The following PRTFDC1 variants were observed in gnomAD, a reference collection of about 807,000 sequenced individuals.
PRTFDC1 encodes phosphoribosyl transferase domain containing 1, also known as phosphoribosyltransferase domain-containing protein 1.
PRTFDC1 carries 38 observed loss-of-function variants against 34.6 expected under a neutral mutation model. The ratio of observed to expected loss-of-function variants is 1.10; its 90% CI spans 0.85 to 1.44. The LOEUF (loss-of-function observed/expected upper bound fraction) is 1.44, where lower values mean the gene tolerates loss of function less well. Among genes scored for constraint, PRTFDC1 ranks in the 40% most tolerant of loss-of-function variants. PRTFDC1 has a pLI of 0.00. For synonymous variants in PRTFDC1, 93 were observed against 98.1 expected, an observed-to-expected ratio of 0.95 and a Z score of 0.31; for missense variants, 270 against 283.0, an observed-to-expected ratio of 0.95 and a Z score of 0.33.
chr10:24,895,574 C>T lies in PRTFDC1; in HGVS notation c.340-23511G>A, dbSNP rs1046421050. On this transcript the variant is annotated intron_variant, in intron 3 of 8. Transcript: ENST00000320152. ...TCTTCACTTTATTAGTAGTTTTCTA[C>T]GCCTTAGAGAATGTGGGGGGTGGTG... Among the ~76,000 whole-genome samples, 8 of 150,584 alleles carry T rather than the reference C, an allele frequency of 5.3e-5. No individual in the cohort carries two copies. In the East Asian group the frequency reaches 7.8e-4, roughly 15 times the overall value.
At chr10:24,876,271 T>G (rs1335785752) in intron 3 of PRTFDC1, among the ~76,000 whole-genome samples, 1 of 152,118 alleles carries the variant, frequency 6.6e-6, no homozygotes, top group Non-Finnish European at 1.5e-5. Context: ...TTGGTTACTT[T>G]TGTACATTTT....
At chr10:24,944,936 T>A (rs551537531) in intron 1 of PRTFDC1, among the ~76,000 whole-genome samples, 1 of 152,146 alleles carries the variant, frequency 6.6e-6, no homozygotes, top group South Asian at 2.1e-4. Flanking sequence ...CCTGGCACTC[T>A]TCCTCTTCCC....
chr10:24,878,831 A>G (rs1848015530), intron 3 of PRTFDC1, among the ~76,000 whole-genome samples: 1 of 152,200 alleles, frequency 6.6e-6, no homozygotes, highest in Admixed American at 6.5e-5. Context: ...CCTCTAAGCC[A>G]TTCATTTCAA....
chr10:24,918,150 G>T (rs1024578035), intron 3 of PRTFDC1, among the ~76,000 whole-genome samples: 4 of 152,090 alleles, frequency 2.6e-5, no homozygotes, highest in Non-Finnish European at 5.9e-5. Context: ...ATTGCCTGCT[G>T]TCCCTGACAT....
At chr10:24,879,460 C>T (rs1404464822) in intron 3 of PRTFDC1, among the ~76,000 whole-genome samples, 1 of 152,064 alleles carries the variant, frequency 6.6e-6, no homozygotes, top group African/African-American at 2.4e-5. Flanking sequence ...TCTCCTGCCT[C>T]AGCCTCCCAA....
chr10:24,937,078 C>A, intron 3 of PRTFDC1, 106 bp downstream of exon 3: 1 of 1,054,004 alleles, frequency 9.5e-7, no homozygotes, highest in East Asian at 2.5e-5. Context: ...TCATTTTCAT[C>A]TCCATTTTTA....
intron 3 of PRTFDC1, among the ~76,000 whole-genome samples, chr10:24,876,077 C>T (rs1346049152): frequency 6.6e-6 from 1 of 151,876 alleles, no homozygotes; most frequent in African/African-American, 2.4e-5. Flanking sequence ...ACTTTTTGTT[C>T]TTTTTAAAAA....
chr10:24,951,601 C>A, intron 1 of PRTFDC1: 1 of 984,940 alleles, frequency 1.0e-6, no homozygotes. Flanking sequence ...GAATGACAAG[C>A]TGATCCCTGG....
chr10:24,925,260 G>A (rs566944996), intron 3 of PRTFDC1, among the ~76,000 whole-genome samples: 1 of 152,262 alleles, frequency 6.6e-6, no homozygotes, highest in South Asian at 2.1e-4. Flanking sequence ...ATAGGTGGGA[G>A]TTGAACAATG....
intron 3 of PRTFDC1, among the ~76,000 whole-genome samples, chr10:24,905,284 G>A (rs1290342049): frequency 2.0e-5 from 3 of 149,768 alleles, no homozygotes; most frequent in African/African-American, 7.4e-5. Flanking sequence ...CTGCCCTTTA[G>A]CCTGGGCAAC....
intron 4 of PRTFDC1, among the ~76,000 whole-genome samples, chr10:24,861,513 AAAAC>A (rs937791823): frequency 1.3e-4 from 20 of 152,142 alleles, no homozygotes; most frequent in East Asian, 1.9e-4. Context: ...ACAAAAAACA[AAAAC>A]AAACAAACAA....
At chr10:24,868,907 TC>T (rs1309246310) in intron 4 of PRTFDC1, among the ~76,000 whole-genome samples, 1 of 152,238 alleles carries the variant, frequency 6.6e-6, no homozygotes, top group Non-Finnish European at 1.5e-5. Context: ...TTTTATTTTT[TC>T]GTTGATACAC....
intron 3 of PRTFDC1, among the ~76,000 whole-genome samples, chr10:24,904,060 C>A (rs777105427): frequency 6.6e-6 from 1 of 152,002 alleles, no homozygotes; most frequent in African/African-American, 2.4e-5. Context: ...TCCTTCTTGG[C>A]CTTGTTCTAT....
At chr10:24,936,078 C>A (rs1564318302) in intron 3 of PRTFDC1, among the ~76,000 whole-genome samples, 1 of 152,156 alleles carries the variant, frequency 6.6e-6, no homozygotes, top group Non-Finnish European at 1.5e-5. Flanking sequence ...GTGAGTTTGC[C>A]ACACAGCAAT....
intron 4 of PRTFDC1, among the ~76,000 whole-genome samples, chr10:24,860,939 A>G (rs749285614): frequency 3.3e-5 from 5 of 152,238 alleles, no homozygotes; most frequent in Non-Finnish European, 5.9e-5. Context: ...TTTCAACTTT[A>G]AAAAGAAAAA....
chr10:24,880,554 CA>C (rs945134342), intron 3 of PRTFDC1, among the ~76,000 whole-genome samples: 1 of 152,216 alleles, frequency 6.6e-6, no homozygotes, highest in African/African-American at 2.4e-5. Flanking sequence ...ATTCACACAG[CA>C]GATAACACAT....
chr10:24,920,299 G>GTGTA (rs1848766876), intron 3 of PRTFDC1, among the ~76,000 whole-genome samples: 1 of 150,416 alleles, frequency 6.6e-6, no homozygotes, highest in Non-Finnish European at 1.5e-5. Context: ...GAGTGTGTGT[G>GTGTA]TATATATATA....
intron 3 of PRTFDC1, among the ~76,000 whole-genome samples, chr10:24,904,392 T>C (rs1245779833): frequency 1.3e-5 from 2 of 152,182 alleles, no homozygotes; most frequent in African/African-American, 2.4e-5. Context: ...TTAATGTATA[T>C]CTTTATTGAG....
chr10:24,860,047 C>T (rs10828713), intron 4 of PRTFDC1, among the ~76,000 whole-genome samples: 18,005 of 152,154 alleles, frequency 0.12, 1,345 homozygotes, highest in South Asian at 0.21. Flanking sequence ...TCTCTTTCTT[C>T]AGATGATGTT....
Sources: gnomAD v4.1 joint callset for allele counts (sites outside exome capture counted in the v4.1 genomes callset) on GRCh38, gnomAD v4.1.1 for gene constraint, MANE v1.5 for transcripts, NCBI Gene and HGNC (gene_info 2026-07-23, HGNC 2026-07-21) for gene names.